Variants in NPC1 observed in about 807,000 individuals in gnomAD.
NPC1 encodes NPC intracellular cholesterol transporter 1, also known as Niemann-Pick C1 protein.
In NPC1, 85 loss-of-function variants were observed where a neutral mutation model predicts 140.4. The ratio of observed to expected loss-of-function variants is 0.61; its 90% confidence interval spans 0.51 to 0.72. The LOEUF (loss-of-function observed/expected upper bound fraction) is 0.72, where lower values mean the gene tolerates loss of function less well. Among genes scored for constraint, NPC1 ranks in the 30% least tolerant of loss-of-function variants. The pLI, the probability that NPC1 is intolerant of heterozygous loss-of-function variation, is 0.00. For synonymous variants in NPC1, 656 were observed against 624.8 expected (o/e 1.05, Z -0.74); for missense variants, 1,504 against 1,623.8 (o/e 0.93, Z 1.27).
intron 3 of NPC1, among the ~76,000 whole-genome samples, 157 bp from the exon 4 acceptor site, chr18:23,569,155 T>A (rs1445191998): frequency 6.6e-6 from 1 of 152,224 alleles, no homozygotes; most frequent in African/African-American, 2.4e-5. Flanking sequence ...TAAAACTTCA[T>A]GTTAAAATAA....
chr18:23,576,038 A>G (rs903337999), intron 1 of NPC1, among the ~76,000 whole-genome samples: 1 of 152,124 alleles, frequency 6.6e-6, no homozygotes, highest in African/African-American at 2.4e-5. Flanking sequence ...AGCCTGACCG[A>G]CATGGAGAAA....
At chr18:23,559,329 T>C (rs1567968322) in intron 6 of NPC1, among the ~76,000 whole-genome samples, 1 of 152,112 alleles carries the variant, frequency 6.6e-6, no homozygotes, top group Non-Finnish European at 1.5e-5. Flanking sequence ...GGGTTAAGGA[T>C]ACACATAAAT....
At chr18:23,564,619 G>A (rs537573776) in intron 4 of NPC1, among the ~76,000 whole-genome samples, 13 of 152,190 alleles carry the variant, frequency 8.5e-5, no homozygotes, top group South Asian at 2.1e-4. Flanking sequence ...CACTGTGCCC[G>A]GCCTTCTTGT....
At chr18:23,570,633 T>A (rs2059188019) in intron 3 of NPC1, among the ~76,000 whole-genome samples, 1 of 152,236 alleles carries the variant, frequency 6.6e-6, no homozygotes. Context: ...TAATATTTGC[T>A]TCCCAAACAT....
intron 4 of NPC1, 97 bp from the exon 5 acceptor site, chr18:23,561,624 TC>T: frequency 2.6e-6 from 3 of 1,171,744 alleles, no homozygotes; most frequent in Non-Finnish European, 3.8e-6. Flanking sequence ...AAACACGAAC[TC>T]CATATGCACC....
In NPC1 at chr18:23,539,867, G is replaced by T. The variant is rs2058687467; in HGVS notation, c.2739C>A (p.Gly913=). 7 of 1,614,206 alleles carry T rather than the reference G, an allele frequency of 4.3e-6. No individual in the cohort carries two copies. The highest frequency in any genetic ancestry group is 1.3e-5 in the African/African-American group (1 of 75,040). Residue 913 remains glycine (G), a synonymous_variant, in exon 18 of 25, where the codon GGC becomes GGA. Transcript: ENST00000269228. ...GCTGCACCAGGGAATCATTGTTGCA[G>T]CCCATGCCGCCGCACACCATGTTCT... is the stretch of plus-strand genomic sequence containing the variant. ...KGQNMVCGGM[G]CNNDSLVQQI... is the part of the protein sequence containing the mutation.
chr18:23,549,292 G>A (rs1427956278), intron 10 of NPC1, among the ~76,000 whole-genome samples: 1 of 151,822 alleles, frequency 6.6e-6, no homozygotes, highest in African/African-American at 2.4e-5. Context: ...GACTTCTCAG[G>A]CTCAAGCAAT....
downstream of NPC1, chr18:23,530,157 C>G: frequency 6.2e-7 from 1 of 1,613,556 alleles, no homozygotes. Flanking sequence ...ATTTTTACTT[C>G]CATTGTGGTT....
intron 1 of NPC1, among the ~76,000 whole-genome samples, chr18:23,575,769 C>CCAAAAA (rs2059267116): frequency 2.9e-5 from 1 of 35,082 alleles, no homozygotes; most frequent in Non-Finnish European, 5.9e-5. Context: ...CAGAGAAGAC[C>CCAAAAA]AAAAAAAAAA....
chr18:23,548,412 C>A (rs372813005), intron 10 of NPC1, among the ~76,000 whole-genome samples: 2 of 148,078 alleles, frequency 1.4e-5, no homozygotes, highest in Non-Finnish European at 3.0e-5. Flanking sequence ...AAGTGTTTAT[C>A]GAAAATTCTC....
In NPC1 at chr18:23,536,759, G is replaced by T; in HGVS notation, c.3159C>A (p.Asp1053Glu). ...CTATAAGTCGGGCTTTCTTCAGAGCGTCAATAAAGTCAGCAGAGGTCTGCA... is the reference window on the plus strand; with the variant it reads ...CTATAAGTCGGGCTTTCTTCAGAGCTTCAATAAAGTCAGCAGAGGTCTGCA... ...TVLQTSADFI[D>E]ALKKARLIAS... is the part of the protein sequence containing the mutation. The change falls in exon 21 of 25, where the codon GAC (aspartate) becomes GAA (glutamate). Residue 1053 changes from aspartate to glutamate, a missense_variant. Transcript: ENST00000269228. 1 of 1,614,174 alleles carries T rather than the reference G, an allele frequency of 6.2e-7. No homozygotes were observed. Among genetic ancestry groups the T allele is most frequent in the Non-Finnish European group, 8.5e-7 (1 of 1,180,018 alleles).
In NPC1 at chr18:23,536,741, T is replaced by C. The variant is rs1231322999; in HGVS notation, c.3177A>G (p.Arg1059=). The stretch of plus-strand genomic sequence containing the variant: ...TTTCGGTGACATTACTGGCTATAAG[T>C]CGGGCTTTCTTCAGAGCGTCAATAA... ...ADFIDALKKA[R]LIASNVTETM... Residue 1059 remains arginine (R), a synonymous_variant, in exon 21 of 25, where the codon CGA becomes CGG. Coordinates refer to ENST00000269228, the MANE Select transcript of NPC1 (RefSeq NM_000271.5). 1.9e-6 allele frequency: 3 copies of C among 1,614,052 alleles called. No homozygotes were observed. The highest frequency in any genetic ancestry group is 2.5e-6 in the Non-Finnish European group (3 of 1,180,044).
intron 14 of NPC1, 32 bp downstream of exon 14, chr18:23,543,423 T>TAC (rs1458185235): frequency 8.1e-7 from 1 of 1,231,248 alleles, no homozygotes. Context: ...CTCAGCAGAC[T>TAC]ACAGGACTGG....
chr18:23,531,892 C>T lies in NPC1; in HGVS notation c.*310G>A. 7.0e-7 allele frequency: 1 copy of T among 1,420,208 alleles called. No individual in the cohort carries two copies. The highest frequency in any genetic ancestry group is 9.2e-7 in the Non-Finnish European group (1 of 1,086,198). The allele number at this position is 1,420,208 out of a possible 1,614,324, so 88.0% of individuals were successfully genotyped here. A position where few individuals can be genotyped will look rare whatever the true frequency, so the allele number is the denominator to read the frequency against. On this transcript the variant is annotated 3_prime_UTR_variant, in exon 25 of 25. Coordinates refer to ENST00000269228, the MANE Select transcript of NPC1 (RefSeq NM_000271.5). ...CAGACAGTGCATTGATTGGCCTTTA[C>T]AGAGTGTCAGTGAGCGGATCACATT...
chr18:23,556,358 C>T lies in NPC1; in HGVS notation c.1211G>A (p.Arg404Gln), dbSNP rs139751448. The T allele has an allele frequency of 2.1e-5, 34 of 1,613,952 alleles. No individual in the cohort carries two copies. The highest frequency in any genetic ancestry group is 5.0e-5 in the Admixed American group (3 of 59,992). The stretch of plus-strand genomic sequence containing the variant: ...GGCCCGGATGATGAGCTGCTCCGTC[C>T]GGAAGAAAGGCCCAAAGTGCTGGTC... ...YFDQHFGPFFRTEQLIIRAPL... is the reference protein window; with the variant it reads ...YFDQHFGPFFQTEQLIIRAPL... Residue 404 changes from arginine to glutamine, a missense_variant, in exon 8 of 25, where the codon CGG (arginine) becomes CAG (glutamine). Coordinates refer to ENST00000269228, the MANE Select transcript of NPC1 (RefSeq NM_000271.5).
At position 23,531,752 on chromosome 18, in the gene NPC1, T is replaced by A. The variant is rs770456820; in HGVS notation, c.*450A>T. On this transcript the variant is annotated 3_prime_UTR_variant, in exon 25 of 25. Coordinates refer to ENST00000269228, the MANE Select transcript of NPC1 (RefSeq NM_000271.5). ...TAAAAATGTGTACAAAGTTAATTTATTGCATTAATAAAGCTCTTTAAACTA... is the reference window on the plus strand; with the variant it reads ...TAAAAATGTGTACAAAGTTAATTTAATGCATTAATAAAGCTCTTTAAACTA... 1.3e-6 allele frequency: 2 copies of A among 1,587,784 alleles called. No individual in the cohort carries two copies. Among genetic ancestry groups the A allele is most frequent in the African/African-American group, 2.7e-5 (2 of 73,234 alleles).
downstream of NPC1, among the ~76,000 whole-genome samples, chr18:23,521,130 C>G (rs546917947): frequency 6.6e-6 from 1 of 152,300 alleles, no homozygotes; most frequent in Non-Finnish European, 1.5e-5. Flanking sequence ...GCTAGGATTA[C>G]AAGTGTGAGC....
chr18:23,563,696 A>C (rs553599121), intron 4 of NPC1, among the ~76,000 whole-genome samples: 305 of 152,316 alleles, frequency 2.0e-3, no homozygotes, highest in Non-Finnish European at 3.3e-3. Flanking sequence ...TATAGGCATG[A>C]GCCACTGTGC....
chr18:23,578,002 T>A (rs2059312436), intron 1 of NPC1, among the ~76,000 whole-genome samples: 1 of 152,144 alleles, frequency 6.6e-6, no homozygotes. Context: ...CGGTTCCTGC[T>A]CGTGTCTCTC....
Sources: gnomAD v4.1 joint callset for allele counts (sites outside exome capture counted in the v4.1 genomes callset) on GRCh38, gnomAD v4.1.1 for gene constraint, MANE v1.5 for transcripts, NCBI Gene and HGNC (gene_info 2026-07-23, HGNC 2026-07-21) for gene names.